ZNF84: variants seen among roughly 807,000 people sequenced by gnomAD.
ZNF84 encodes zinc finger protein 84, also known as zinc finger protein HPF2.
A neutral mutation model predicts 14.8 loss-of-function variants in ZNF84; 12 were observed. The observed-to-expected ratio is 0.81, with a 90% CI of 0.52 to 1.31. The LOEUF (loss-of-function observed/expected upper bound fraction) is 1.31, where lower values mean the gene tolerates loss of function less well. Ranked by LOEUF, ZNF84 falls within the 50% of genes most tolerant of loss-of-function variation. ZNF84 has a pLI of 0.00. For missense variants in ZNF84, 859 were observed against 878.6 expected, an observed-to-expected ratio of 0.98 and a Z score of 0.28; for synonymous variants, 347 against 291.1, an observed-to-expected ratio of 1.19 and a Z score of -1.96.
At chr12:133,044,303 TA>T in intron 2 of ZNF84, among the ~76,000 whole-genome samples, 1 of 134,778 alleles carries the variant, frequency 7.4e-6, no homozygotes, top group Admixed American at 8.6e-5. Context: ...TACTACTAAG[TA>T]CAGCTAGTTT....
At position 133,057,230 on chromosome 12, in the gene ZNF84, A is replaced by C; in HGVS notation, c.515A>C (p.Asp172Ala). 2.5e-6 allele frequency: 4 copies of C among 1,613,902 alleles called. No individual in the cohort carries two copies. Among genetic ancestry groups the C allele is most frequent in the Non-Finnish European group, 3.4e-6 (4 of 1,179,976 alleles). Residue 172 changes from aspartate to alanine, a missense_variant, in exon 5 of 5, where the codon GAT becomes GCT. By Grantham distance (126) the Asp-to-Ala change is moderately radical. Coordinates refer to ENST00000539354, the MANE Select transcript of ZNF84 (RefSeq NM_001289971.2). ...TTTTTTCTCCATTCCAAGCCTGAGG[A>C]TACTGATACCTGGTTAAAATACTAT... ...DNFFLHSKPE[D>A]TDTWLKYYDC...
chr12:133,062,960 GTGATAA>G lies in ZNF84; in HGVS notation c.*4030_*4035del. 1 of 624,054 alleles carries G rather than the reference GTGATAA, an allele frequency of 1.6e-6. No homozygotes were observed. Among genetic ancestry groups the G allele is most frequent in the South Asian group, 1.9e-5 (1 of 52,702 alleles). The allele number at this position is 624,054 out of a possible 1,614,324, so 38.7% of individuals were successfully genotyped here. On this transcript the variant is annotated 3_prime_UTR_variant, in exon 5 of 5. Coordinates refer to ENST00000539354, the MANE Select transcript of ZNF84 (RefSeq NM_001289971.2). ...TGAACCTGTACGTGTGTTTCTCACT[GTGATAA>G]TATAATCATTGCATGTTTTATCTTT...
chr12:133,051,631 A>T (rs2316163), intron 4 of ZNF84, among the ~76,000 whole-genome samples: 26,889 of 152,088 alleles, frequency 0.18, 3,058 homozygotes, highest in Non-Finnish European at 0.25. Context: ...AAAATATAGT[A>T]ACACATGTGT....
chr12:133,043,926 A>AT (rs61416327), intron 2 of ZNF84, among the ~76,000 whole-genome samples: 6,858 of 124,096 alleles, frequency 0.055, 509 homozygotes, highest in African/African-American at 0.18. Context: ...TAATTCTTGT[A>AT]TTTTTTTTTT....
intron 2 of ZNF84, among the ~76,000 whole-genome samples, chr12:133,044,365 C>T (rs1244850741): frequency 4.0e-5 from 6 of 150,244 alleles, no homozygotes; most frequent in Non-Finnish European, 5.9e-5. Context: ...ATATTGCCCA[C>T]GCTGGTCTGG....
chr12:133,040,203 C>G (rs1953861744), intron 1 of ZNF84, among the ~76,000 whole-genome samples: 1 of 151,572 alleles, frequency 6.6e-6, no homozygotes, highest in African/African-American at 2.4e-5. Context: ...TTATAAGGGA[C>G]AAAGATAATG....
intron 4 of ZNF84, among the ~76,000 whole-genome samples, chr12:133,052,540 G>A (rs1954089490): frequency 6.6e-6 from 1 of 152,136 alleles, no homozygotes; most frequent in African/African-American, 2.4e-5. Flanking sequence ...TCACTGTGTG[G>A]TCCAGGCTCC....
At chr12:133,046,985 A>C (rs1002617070) in intron 2 of ZNF84, among the ~76,000 whole-genome samples, 48 of 146,202 alleles carry the variant, frequency 3.3e-4, no homozygotes, top group South Asian at 4.2e-4. Flanking sequence ...ATATATATAT[A>C]TAATACAGGT....
At position 133,059,317 on chromosome 12, in the gene ZNF84, A is replaced by G. The variant is rs957793011; in HGVS notation, c.*385A>G. On this transcript the variant is annotated 3_prime_UTR_variant, in exon 5 of 5. Transcript: ENST00000539354. ...TTTAAGAAATGACAGTTCATTGTAC[A>G]TAAGAAAATGCTCTTAGGAATGAAG... The G allele has an allele frequency of 3.3e-5, 10 of 301,430 alleles. No individual in the cohort carries two copies. The highest frequency in any genetic ancestry group is 6.1e-5 in the Non-Finnish European group (10 of 164,916). The allele number at this position is 301,430 out of a possible 1,614,324, so 18.7% of individuals were successfully genotyped here.
chr12:133,056,593 C>T (rs1954162837), intron 4 of ZNF84, among the ~76,000 whole-genome samples: 2 of 152,148 alleles, frequency 1.3e-5, no homozygotes, highest in Admixed American at 1.3e-4. Context: ...TAGTACCTTA[C>T]ACACTACCTG....
chr12:133,057,287 A>G lies in ZNF84; in HGVS notation c.572A>G (p.Lys191Arg). ...DCDKYKESYK[K>R]SQIIIYHRNR... ...GATAAATATAAAGAGAGCTATAAAAAGTCACAGATTATCATATATCATAGA... is the reference window on the plus strand; with the variant it reads ...GATAAATATAAAGAGAGCTATAAAAGGTCACAGATTATCATATATCATAGA... Residue 191 changes from lysine to arginine, a missense_variant, in exon 5 of 5, where the codon AAG becomes AGG. Coordinates refer to ENST00000539354, the MANE Select transcript of ZNF84 (RefSeq NM_001289971.2). 3 of 1,613,696 alleles carry G rather than the reference A, an allele frequency of 1.9e-6. No homozygotes were observed. The highest frequency in any genetic ancestry group is 2.5e-6 in the Non-Finnish European group (3 of 1,179,924).
chr12:133,039,485 A>G (rs1283274163), intron 1 of ZNF84, among the ~76,000 whole-genome samples: 1 of 152,228 alleles, frequency 6.6e-6, no homozygotes, highest in African/African-American at 2.4e-5. Context: ...GCTACTTACT[A>G]AATGTGCAAT....
chr12:133,048,207 CT>C, intron 3 of ZNF84, 126 bp downstream of exon 3: 1 of 864,066 alleles, frequency 1.2e-6, no homozygotes, highest in Non-Finnish European at 1.8e-6. Flanking sequence ...AGACCTGAAA[CT>C]TAGATCACAG....
intron 2 of ZNF84, among the ~76,000 whole-genome samples, chr12:133,044,024 T>A (rs1953934985): frequency 1.3e-5 from 2 of 152,086 alleles, no homozygotes; most frequent in African/African-American, 4.8e-5. Flanking sequence ...GGCCTCCCAA[T>A]TACAGGTGTG....
At position 133,056,976 on chromosome 12, in the gene ZNF84, CATG is replaced by C. The variant is rs1193388797; in HGVS notation, c.265_267del (p.Met89del). On this transcript the variant is annotated inframe_deletion, in exon 5 of 5. Coordinates refer to ENST00000539354, the MANE Select transcript of ZNF84 (RefSeq NM_001289971.2). ...TAGAAGTCTGGAAAGTAGATGGTAACATGATGTGGCACCAGGATAACCAAGACA... is the reference window on the plus strand; with the variant it reads ...TAGAAGTCTGGAAAGTAGATGGTAACATGTGGCACCAGGATAACCAAGACA... 3.8e-6 allele frequency: 6 copies of C among 1,588,080 alleles called. No individual in the cohort carries two copies. The highest frequency in any genetic ancestry group is 3.4e-4 in the Middle Eastern group (2 of 5,888).
chr12:133,042,897 A>C (rs940518372), intron 2 of ZNF84, among the ~76,000 whole-genome samples: 1 of 152,242 alleles, frequency 6.6e-6, no homozygotes, highest in Non-Finnish European at 1.5e-5. Context: ...TTCTTAGCCC[A>C]GATGAGTCCC....
rs1438154757 is a variant in ZNF84, at chr12:133,062,191, T to A, written c.*3259T>A. The A allele has an allele frequency of 6.6e-6, 1 of 152,220 alleles. No homozygotes were observed. The highest frequency in any genetic ancestry group is 1.5e-5 in the Non-Finnish European group (1 of 68,038). 9.4% of individuals were successfully genotyped at this position (152,220 alleles called of 1,614,324 possible). A position where few individuals can be genotyped will look rare whatever the true frequency, so the allele number is the denominator to read the frequency against. On this transcript the variant is annotated 3_prime_UTR_variant, in exon 5 of 5. Coordinates refer to ENST00000539354, the MANE Select transcript of ZNF84 (RefSeq NM_001289971.2). ...AAGGACAATTGACATTGTTTTCCTT[T>A]TACTAAGTAGTGGGTTTTCCTTAAG... is the stretch of plus-strand genomic sequence containing the variant.
Position 133,041,431 on chromosome 12 carries a change from T to A in ZNF84, c.-37T>A. The stretch of plus-strand genomic sequence containing the variant: ...CAGAAGAGACGCACAGTAGAACCGA[T>A]CTCAGCCTTGCTGATCATCTCGTAC... On this transcript the variant is annotated 5_prime_UTR_variant, in exon 2 of 5. Coordinates refer to ENST00000539354, the MANE Select transcript of ZNF84 (RefSeq NM_001289971.2). 1 of 1,613,472 alleles carries A rather than the reference T, an allele frequency of 6.2e-7. No individual in the cohort carries two copies. Among genetic ancestry groups the A allele is most frequent in the Non-Finnish European group, 8.5e-7 (1 of 1,179,376 alleles).
At chr12:133,049,111 T>A (rs987228360) in intron 4 of ZNF84, among the ~76,000 whole-genome samples, 55 of 152,342 alleles carry the variant, frequency 3.6e-4, no homozygotes, top group Non-Finnish European at 4.4e-5. Flanking sequence ...TAAGTCACAT[T>A]TAGACGTAGC....
Sources: gnomAD v4.1 joint callset for allele counts (sites outside exome capture counted in the v4.1 genomes callset) on GRCh38, gnomAD v4.1.1 for gene constraint, MANE v1.5 for transcripts, NCBI Gene and HGNC (gene_info 2026-07-23, HGNC 2026-07-21) for gene names.